Variants in GLMN observed in about 807,000 individuals in gnomAD.
The protein encoded by GLMN is glomulin.
Under a neutral mutation model 87.8 loss-of-function variants are expected in GLMN, and 75 were observed. The observed-to-expected ratio is 0.85, with a 90% CI of 0.71 to 1.04. The LOEUF (loss-of-function observed/expected upper bound fraction) is 1.04. Among genes scored for constraint, GLMN ranks in the 50% least tolerant of loss-of-function variants. GLMN has a pLI of 0.00. For synonymous variants in GLMN, 206 were observed against 221.6 expected (o/e 0.93, Z 0.63); for missense variants, 588 against 658.8 (o/e 0.89, Z 1.18).
intron 1 of GLMN, 113 bp downstream of exon 1, chr1:92,298,812 G>C (rs1407586050): frequency 8.1e-6 from 3 of 372,450 alleles, no homozygotes; most frequent in Non-Finnish European, 1.4e-5. Context: ...TCGCCTAGGT[G>C]GGCAGGCTCC....
the GLMN span, among the ~76,000 whole-genome samples, chr1:92,358,822 A>C: frequency 6.6e-6 from 1 of 152,134 alleles, no homozygotes; most frequent in African/African-American, 2.4e-5. Context: ...TCCTAAACTT[A>C]AGTGATCCCC....
At chr1:92,260,765 GAAAAAA>G (rs765865353) in intron 16 of GLMN, among the ~76,000 whole-genome samples, 11 of 100,068 alleles carry the variant, frequency 1.1e-4, no homozygotes, top group African/African-American at 4.2e-4. Flanking sequence ...CTTTGAGATG[GAAAAAA>G]AAAAAAAAAA....
chr1:92,259,787 T>G (rs1654781243), intron 16 of GLMN, among the ~76,000 whole-genome samples: 1 of 138,256 alleles, frequency 7.2e-6, no homozygotes, highest in South Asian at 2.4e-4. Flanking sequence ...CAGTGGGGAG[T>G]GCAGTGGCAT....
chr1:92,291,159 C>A (rs1352854786), intron 4 of GLMN, among the ~76,000 whole-genome samples: 1 of 152,172 alleles, frequency 6.6e-6, no homozygotes. Context: ...CTTCCCAGGT[C>A]TCTCCCTGGA....
the GLMN span, among the ~76,000 whole-genome samples, chr1:92,357,801 G>GGATT: frequency 1.3e-5 from 2 of 152,236 alleles, no homozygotes; most frequent in Non-Finnish European, 2.9e-5. Flanking sequence ...CAAAGTGTTG[G>GGATT]GATTACAGGC....
intron 15 of GLMN, among the ~76,000 whole-genome samples, chr1:92,263,381 G>A (rs1453680197): frequency 6.6e-6 from 1 of 152,162 alleles, no homozygotes; most frequent in African/African-American, 2.4e-5. Context: ...TCTATGGAAT[G>A]CTGGGTACAT....
chr1:92,252,203 G>A (rs976213604), intron 16 of GLMN, among the ~76,000 whole-genome samples: 3 of 152,152 alleles, frequency 2.0e-5, no homozygotes, highest in Non-Finnish European at 4.4e-5. Flanking sequence ...CTAACCAAAC[G>A]TTTTCTTTTA....
intron 7 of GLMN, among the ~76,000 whole-genome samples, chr1:92,272,369 A>G (rs1470048078): frequency 6.6e-6 from 1 of 152,248 alleles, no homozygotes; most frequent in Non-Finnish European, 1.5e-5. Context: ...TACAGCAATG[A>G]AAAACTAATA....
At chr1:92,269,656 G>T in intron 9 of GLMN, 67 bp downstream of exon 9, 1 of 1,030,632 alleles carries the variant, frequency 9.7e-7, no homozygotes, top group Non-Finnish European at 1.5e-6. Flanking sequence ...GGCAGTCTCC[G>T]CTGATCTTAA....
chr1:92,257,914 G>T (rs1034142697), intron 16 of GLMN, among the ~76,000 whole-genome samples: 1 of 152,066 alleles, frequency 6.6e-6, no homozygotes, highest in Admixed American at 6.6e-5. Flanking sequence ...TGGACAAATG[G>T]GATCTAATTA....
At chr1:92,304,049 C>G in the GLMN span, 26 of 1,611,768 alleles carry the variant, frequency 1.6e-5, no homozygotes, top group South Asian at 2.4e-4. Flanking sequence ...CTGTGGTTAT[C>G]CTTTATGTCA....
chr1:92,286,473 A>G lies in GLMN; in HGVS notation c.735+17T>C. 1 of 1,144,084 alleles carries G rather than the reference A, an allele frequency of 8.7e-7. No individual in the cohort carries two copies. 70.9% of individuals were successfully genotyped at this position (1,144,084 alleles called of 1,614,324 possible). On this transcript the variant is annotated intron_variant, in intron 7 of 18. Coordinates refer to ENST00000370360, the MANE Select transcript of GLMN (RefSeq NM_053274.3). ...ATAACATTTAAGATTATAGCAGATT[A>G]AATTAGCTGTACTTACTATTATTTC...
intron 3 of GLMN, among the ~76,000 whole-genome samples, chr1:92,292,307 C>A (rs1220103369): frequency 6.6e-6 from 1 of 152,070 alleles, no homozygotes; most frequent in Non-Finnish European, 1.5e-5. Context: ...ATCCCAGCAC[C>A]TTAGGAGGCT....
intron 14 of GLMN, among the ~76,000 whole-genome samples, chr1:92,264,224 A>T (rs1655357071): frequency 6.6e-6 from 1 of 152,068 alleles, no homozygotes; most frequent in African/African-American, 2.4e-5. Flanking sequence ...GAGTTGGGAG[A>T]ACTGCTTGAG....
intron 16 of GLMN, among the ~76,000 whole-genome samples, chr1:92,260,213 T>C (rs1391211198): frequency 6.6e-6 from 1 of 152,204 alleles, no homozygotes; most frequent in Non-Finnish European, 1.5e-5. Context: ...GGCTGCCAGC[T>C]TGGACTGGGT....
At chr1:92,304,083 A>G in the GLMN span, 1 of 1,573,024 alleles carries the variant, frequency 6.4e-7, no homozygotes, top group Admixed American at 1.8e-5. Context: ...ATTGTAAGTA[A>G]CTCATTTTTT....
upstream of GLMN, chr1:92,301,534 C>CA (rs1650857934): frequency 6.3e-7 from 1 of 1,596,164 alleles, no homozygotes; most frequent in African/African-American, 1.3e-5. Context: ...AAAAGCTCTA[C>CA]ATATTGTTGA....
At chr1:92,281,002 G>A (rs900739914) in intron 7 of GLMN, among the ~76,000 whole-genome samples, 2 of 152,146 alleles carry the variant, frequency 1.3e-5, no homozygotes, top group South Asian at 2.1e-4. Context: ...TTGGTGCACC[G>A]GAAAGTGACA....
chr1:92,348,922 G>T, the GLMN span, among the ~76,000 whole-genome samples: 1 of 152,254 alleles, frequency 6.6e-6, no homozygotes, highest in African/African-American at 2.4e-5. Flanking sequence ...TGGATAAATA[G>T]CCTTACAGTG....
Sources: allele counts gnomAD v4.1 joint callset (sites outside exome capture counted in the v4.1 genomes callset), GRCh38; gene constraint gnomAD v4.1.1; transcripts MANE v1.5; gene names NCBI Gene and HGNC (gene_info 2026-07-23, HGNC 2026-07-21).